The following INPP4B variants were observed in gnomAD, a reference collection of about 807,000 sequenced individuals.
INPP4B encodes the protein inositol polyphosphate 4-phosphatase type II.
A neutral mutation model predicts 122.5 loss-of-function variants in INPP4B; 55 were observed. That is an observed-to-expected ratio of 0.45 (90% CI 0.36 to 0.56). The LOEUF is 0.56. Ranked by LOEUF, INPP4B falls within the 20% of genes least tolerant of loss-of-function variation. The pLI is 0.00. For synonymous variants in INPP4B, 403 were observed against 388.7 expected (o/e 1.04, Z -0.43); for missense variants, 1,000 against 1,097.7 (o/e 0.91, Z 1.26).
At chr4:142,560,677 G>A (rs1730269056) in intron 2 of INPP4B, 1 of 152,208 alleles carries the variant, frequency 6.6e-6, no homozygotes, top group Admixed American at 6.5e-5. Flanking sequence ...TCCAGCACAG[G>A]AGAAAGATGA....
At chr4:142,747,370 C>A (rs331957) in intron 1 of INPP4B, among the ~76,000 whole-genome samples, 67,061 of 151,942 alleles carry the variant, frequency 0.44, 16,418 homozygotes, top group African/African-American at 0.66. Flanking sequence ...GTCAGGAAAC[C>A]ACAGGTACTG....
At chr4:142,837,299 TAGA>T (rs903065230) in intron 1 of INPP4B, among the ~76,000 whole-genome samples, 1 of 152,064 alleles carries the variant, frequency 6.6e-6, no homozygotes, top group East Asian at 1.9e-4. Flanking sequence ...CAAACAATAG[TAGA>T]AGAATATAGT....
intron 2 of INPP4B, among the ~76,000 whole-genome samples, chr4:142,677,757 C>A (rs1238662107): frequency 6.6e-6 from 1 of 152,084 alleles, no homozygotes; most frequent in Non-Finnish European, 1.5e-5. Flanking sequence ...AAACCAAACA[C>A]TACATGTCCT....
intron 1 of INPP4B, among the ~76,000 whole-genome samples, chr4:142,814,863 C>CA (rs1779939583): frequency 1.3e-5 from 2 of 152,230 alleles, no homozygotes; most frequent in South Asian, 4.1e-4. Context: ...TAAGTTCCCC[C>CA]ATTCCCATTC....
chr4:142,175,740 T>C (rs780287915), intron 15 of INPP4B, among the ~76,000 whole-genome samples: 4 of 152,132 alleles, frequency 2.6e-5, no homozygotes, highest in Non-Finnish European at 5.9e-5. Flanking sequence ...GTAAGGACTT[T>C]ACAAAAGAAA....
intron 1 of INPP4B, among the ~76,000 whole-genome samples, chr4:142,843,709 G>T (rs941241422): frequency 6.6e-6 from 1 of 151,796 alleles, no homozygotes; most frequent in South Asian, 2.1e-4. Context: ...TTAACTTTTT[G>T]TTCTCAGATG....
At chr4:142,813,997 A>C (rs1166880205) in intron 1 of INPP4B, among the ~76,000 whole-genome samples, 1 of 152,182 alleles carries the variant, frequency 6.6e-6, no homozygotes, top group Admixed American at 6.6e-5. Flanking sequence ...AAAGTTATAG[A>C]AAAGAGCTCA....
At chr4:142,352,099 T>A (rs1782093276) in intron 7 of INPP4B, among the ~76,000 whole-genome samples, 1 of 151,948 alleles carries the variant, frequency 6.6e-6, no homozygotes, top group Non-Finnish European at 1.5e-5. Context: ...AGACATGAGC[T>A]TTCTTCCTCT....
Position 142,214,779 on chromosome 4 carries a change from C to T in INPP4B, c.837-5753G>A, listed in dbSNP as rs181039073. The stretch of plus-strand genomic sequence containing the variant: ...TGTTAGTCAGGCTGGACTCGAACTC[C>T]TGACCTCAGGTGATCCACCCGTCTC... On this transcript the variant is annotated intron_variant, in intron 12 of 25. Transcript: ENST00000262992. Among the ~76,000 whole-genome samples, 595 of 152,314 alleles carry T rather than the reference C, an allele frequency of 3.9e-3. 2 individuals carry two copies. The highest frequency in any genetic ancestry group is 0.014 in the African/African-American group (572 of 41,572).
At chr4:142,661,586 A>C (rs1729180678) in intron 2 of INPP4B, among the ~76,000 whole-genome samples, 2 of 152,226 alleles carry the variant, frequency 1.3e-5, no homozygotes, top group Non-Finnish European at 2.9e-5. Flanking sequence ...AACACTGTGG[A>C]CTTCTAAATT....
At chr4:142,323,484 C>T (rs1486729281) in intron 7 of INPP4B, among the ~76,000 whole-genome samples, 5 of 133,132 alleles carry the variant, frequency 3.8e-5, no homozygotes, top group East Asian at 4.6e-4. Context: ...CTCACTCTGT[C>T]GCCCAGGCTG....
At chr4:142,564,694 T>C (rs1459626557) in intron 2 of INPP4B, among the ~76,000 whole-genome samples, 2 of 151,840 alleles carry the variant, frequency 1.3e-5, no homozygotes, top group African/African-American at 4.8e-5. Context: ...GGCTTTAAAT[T>C]TTTAAATTTT....
At chr4:142,306,909 T>C (rs1206743102) in intron 8 of INPP4B, among the ~76,000 whole-genome samples, 2 of 151,988 alleles carry the variant, frequency 1.3e-5, no homozygotes, top group Non-Finnish European at 2.9e-5. Flanking sequence ...AAGGAAAGGA[T>C]AGGAAAGGCA....
At chr4:142,253,038 T>C (rs769916991) in intron 11 of INPP4B, among the ~76,000 whole-genome samples, 3 of 152,224 alleles carry the variant, frequency 2.0e-5, no homozygotes, top group Non-Finnish European at 4.4e-5. Flanking sequence ...AGTATGTTAC[T>C]GTGCATAAAT....
chr4:142,548,271 T>TA (rs1383027809), intron 2 of INPP4B, among the ~76,000 whole-genome samples: 5 of 152,160 alleles, frequency 3.3e-5, no homozygotes, highest in African/African-American at 1.2e-4. Context: ...ACTCAATGGC[T>TA]AATGTGTAGA....
intron 1 of INPP4B, among the ~76,000 whole-genome samples, chr4:142,736,918 T>C (rs1767005295): frequency 1.3e-5 from 2 of 152,120 alleles, no homozygotes; most frequent in Admixed American, 1.3e-4. Flanking sequence ...CCATTCAGTA[T>C]GATATTGGCT....
chr4:142,399,948 T>C (rs1209141397), intron 7 of INPP4B, among the ~76,000 whole-genome samples: 6 of 152,120 alleles, frequency 3.9e-5, no homozygotes, highest in African/African-American at 1.4e-4. Flanking sequence ...ACAATAGTTA[T>C]GCTGAATCAA....
At chr4:142,468,908 C>T (rs1438204277) in intron 2 of INPP4B, among the ~76,000 whole-genome samples, 2 of 152,060 alleles carry the variant, frequency 1.3e-5, no homozygotes, top group Non-Finnish European at 2.9e-5. Flanking sequence ...CATTTGTTCC[C>T]TAATAGGTCC....
intron 2 of INPP4B, among the ~76,000 whole-genome samples, chr4:142,719,589 G>A (rs941587488): frequency 1.3e-5 from 2 of 151,670 alleles, no homozygotes; most frequent in African/African-American, 2.4e-5. Flanking sequence ...CTCCCAAAGT[G>A]CTGGGATTAC....
Sources: allele counts gnomAD v4.1 joint callset (sites outside exome capture counted in the v4.1 genomes callset), GRCh38; gene constraint gnomAD v4.1.1; transcripts MANE v1.5; gene names NCBI Gene and HGNC (gene_info 2026-07-23, HGNC 2026-07-21).